Variants in CCNY observed in about 807,000 individuals in gnomAD.
CCNY encodes cyclin-Y.
CCNY carries 19 observed loss-of-function variants against 42.8 expected under a neutral mutation model. The ratio of observed to expected loss-of-function variants is 0.44; its 90% CI spans 0.31 to 0.65. The LOEUF is 0.65. CCNY is among the 30% of genes least tolerant of loss of function. The pLI, the probability that CCNY is intolerant of heterozygous loss-of-function variation, is 0.07. For synonymous variants in CCNY, 165 were observed against 162.7 expected (o/e 1.01, Z -0.11); for missense variants, 370 against 437.3 (o/e 0.85, Z 1.37).
At chr10:35,323,386 T>C (rs1835843546) in intron 3 of CCNY, among the ~76,000 whole-genome samples, 1 of 152,208 alleles carries the variant, frequency 6.6e-6, no homozygotes, top group Admixed American at 6.5e-5. Flanking sequence ...AGCCTAAATG[T>C]CCATCAACAT....
intron 1 of CCNY, among the ~76,000 whole-genome samples, chr10:35,443,019 T>TCTAAACATCC (rs1838708142): frequency 6.6e-6 from 1 of 152,196 alleles, no homozygotes; most frequent in African/African-American, 2.4e-5. Context: ...AACTTGTATA[T>TCTAAACATCC]CTAAACATCC....
chr10:35,307,183 G>A (rs1180533148), intron 3 of CCNY, among the ~76,000 whole-genome samples: 1 of 152,146 alleles, frequency 6.6e-6, no homozygotes, highest in Non-Finnish European at 1.5e-5. Context: ...TCAGGCTGTG[G>A]TGCGGGTTAA....
chr10:35,316,931 C>T (rs1835767088), intron 3 of CCNY, among the ~76,000 whole-genome samples: 2 of 152,152 alleles, frequency 1.3e-5, no homozygotes, highest in African/African-American at 2.4e-5. Flanking sequence ...CTGCAACCTC[C>T]ACCTCTTGGG....
chr10:35,436,382 G>T (rs1838533815), intron 1 of CCNY, among the ~76,000 whole-genome samples: 1 of 152,146 alleles, frequency 6.6e-6, no homozygotes, highest in Non-Finnish European at 1.5e-5. Context: ...AGAAGCTCTT[G>T]CTCCTGGCTC....
At chr10:35,326,128 G>A (rs562919044) in intron 3 of CCNY, among the ~76,000 whole-genome samples, 4 of 152,034 alleles carry the variant, frequency 2.6e-5, no homozygotes, top group South Asian at 4.1e-4. Flanking sequence ...AATAAAATGC[G>A]CCCATTTTAC....
chr10:35,270,444 G>A (rs1325337874), intron 3 of CCNY, among the ~76,000 whole-genome samples: 1 of 152,198 alleles, frequency 6.6e-6, no homozygotes, highest in Non-Finnish European at 1.5e-5. Flanking sequence ...CACATCCAGT[G>A]ACATCAGACT....
intron 8 of CCNY, among the ~76,000 whole-genome samples, chr10:35,564,990 T>C (rs1841539997): frequency 6.6e-6 from 1 of 151,132 alleles, no homozygotes. Context: ...GTGGGCACCC[T>C]GTGGGTGGGC....
upstream of CCNY, among the ~76,000 whole-genome samples, chr10:35,332,750 G>A (rs1351174740): frequency 3.3e-5 from 5 of 152,120 alleles, no homozygotes; most frequent in South Asian, 2.1e-4. Context: ...AGCTATAGGC[G>A]CCCACCACCA....
intron 1 of CCNY, among the ~76,000 whole-genome samples, chr10:35,386,904 G>T (rs962567377): frequency 6.6e-6 from 1 of 152,126 alleles, no homozygotes; most frequent in Non-Finnish European, 1.5e-5. Context: ...TGAAAGCGTT[G>T]GGAGTGAAAA....
chr10:35,467,383 T>C (rs1839291248), intron 1 of CCNY, among the ~76,000 whole-genome samples: 1 of 152,220 alleles, frequency 6.6e-6, no homozygotes, highest in Non-Finnish European at 1.5e-5. Flanking sequence ...TCTCATTGTG[T>C]GGGACACTGG....
chr10:35,359,810 C>T (rs1836643023), intron 1 of CCNY, among the ~76,000 whole-genome samples: 3 of 152,218 alleles, frequency 2.0e-5, no homozygotes, highest in Non-Finnish European at 2.9e-5. Context: ...CTGGTGACCA[C>T]CATTCTTTTG....
upstream of CCNY, among the ~76,000 whole-genome samples, chr10:35,334,717 C>G (rs1197305378): frequency 6.6e-6 from 1 of 152,148 alleles, no homozygotes; most frequent in Non-Finnish European, 1.5e-5. Flanking sequence ...CAGTTGAGAG[C>G]ATGGAGCGTT....
chr10:35,370,969 C>A (rs182879582), intron 1 of CCNY, among the ~76,000 whole-genome samples: 31 of 152,286 alleles, frequency 2.0e-4, no homozygotes, highest in Non-Finnish European at 8.8e-5. Context: ...TCCGCCTCGG[C>A]CTCTCAAAGT....
chr10:35,320,537 G>GC (rs2135094969), intron 3 of CCNY, among the ~76,000 whole-genome samples: 1 of 152,278 alleles, frequency 6.6e-6, no homozygotes, highest in South Asian at 2.1e-4. Flanking sequence ...ACAACTGAAT[G>GC]CTTTCTCCTC....
intron 1 of CCNY, among the ~76,000 whole-genome samples, chr10:35,357,728 G>A (rs1836588685): frequency 1.3e-5 from 2 of 152,168 alleles, no homozygotes; most frequent in African/African-American, 4.8e-5. Flanking sequence ...AATTTGTGGG[G>A]AGATTTAGAC....
chr10:35,553,014 C>T lies in CCNY; in HGVS notation c.580-5C>T. 6.2e-7 allele frequency: 1 copy of T among 1,612,824 alleles called. No homozygotes were observed. Among genetic ancestry groups the T allele is most frequent in the Non-Finnish European group, 8.5e-7 (1 of 1,178,922 alleles). ...CTTAGCTCTGGCATTGTCTTGTCTTCCCAGGTGTACCTTGAAAGACTTTTA... is the reference window on the plus strand; with the variant it reads ...CTTAGCTCTGGCATTGTCTTGTCTTTCCAGGTGTACCTTGAAAGACTTTTA... On this transcript the variant is annotated splice_polypyrimidine_tract_variant and splice_region_variant and intron_variant, in intron 7 of 9. Coordinates refer to ENST00000374704, the MANE Select transcript of CCNY (RefSeq NM_145012.6).
intron 4 of CCNY, among the ~76,000 whole-genome samples, chr10:35,522,335 T>C (rs1462039847): frequency 6.6e-6 from 1 of 152,214 alleles, no homozygotes; most frequent in Non-Finnish European, 1.5e-5. Flanking sequence ...CAGAGATCCA[T>C]CCACCTGCCT....
intron 1 of CCNY, among the ~76,000 whole-genome samples, chr10:35,396,808 G>T (rs959352104): frequency 6.6e-6 from 1 of 152,206 alleles, no homozygotes; most frequent in East Asian, 1.9e-4. Context: ...TGCTCTCCCC[G>T]TGAGGCTCCC....
chr10:35,477,212 A>T (rs1259237050), intron 1 of CCNY, among the ~76,000 whole-genome samples: 1 of 152,224 alleles, frequency 6.6e-6, no homozygotes, highest in Non-Finnish European at 1.5e-5. Flanking sequence ...AGAGGTACAA[A>T]GAGGAACTGG....
Sources: allele counts gnomAD v4.1 joint callset (sites outside exome capture counted in the v4.1 genomes callset), GRCh38; gene constraint gnomAD v4.1.1; transcripts MANE v1.5; gene names NCBI Gene and HGNC (gene_info 2026-07-23, HGNC 2026-07-21).